GAST: variants seen among roughly 807,000 people sequenced by gnomAD.
GAST encodes the protein gastrin.
GAST carries 9 observed loss-of-function variants against 12.5 expected under a neutral mutation model. That is an observed-to-expected ratio of 0.72 (90% CI 0.43 to 1.25). The LOEUF (loss-of-function observed/expected upper bound fraction) is 1.25. GAST is among the 50% of genes most tolerant of loss of function. GAST has a pLI of 0.00. For missense variants in GAST, 121 were observed against 127.7 expected, an observed-to-expected ratio of 0.95 and a Z score of 0.25; for synonymous variants, 52 against 51.1, an observed-to-expected ratio of 1.02 and a Z score of -0.08.
At chr17:41,714,566 G>C (rs940084717) in intron 1 of GAST, among the ~76,000 whole-genome samples, 1 of 152,100 alleles carries the variant, frequency 6.6e-6, no homozygotes, top group Non-Finnish European at 1.5e-5. Context: ...GAGCCCAAGA[G>C]TTCAAGACTA....
At position 41,715,594 on chromosome 17, in the gene GAST, C is replaced by A. The variant is rs1381582236; in HGVS notation, c.158C>A (p.Ala53Asp). Residue 53 changes from alanine (A) to aspartate (D), a missense_variant, in exon 2 of 3, where the codon GCC becomes GAC. Coordinates refer to ENST00000329402, the MANE Select transcript of GAST (RefSeq NM_000805.5). Reference sequence around the variant, plus strand: ...CCCTGGCTGGAGCAGCAGGGCCCAGCCTCTCATCATCGAAGGCAGCTGGGA... The same window carrying A: ...CCCTGGCTGGAGCAGCAGGGCCCAGACTCTCATCATCGAAGGCAGCTGGGA... Reference protein sequence around the residue: ...ELPWLEQQGPASHHRRQLGPQ... With the variant: ...ELPWLEQQGPDSHHRRQLGPQ... The A allele has an allele frequency of 6.2e-7, 1 of 1,613,742 alleles. No individual in the cohort carries two copies. Among genetic ancestry groups the A allele is most frequent in the Admixed American group, 1.7e-5 (1 of 60,020 alleles).
At chr17:41,715,746 T>C in intron 2 of GAST, 32 bp from the exon 3 acceptor site, 1 of 1,595,042 alleles carries the variant, frequency 6.3e-7, no homozygotes, top group Non-Finnish European at 8.5e-7. Flanking sequence ...GTAGGCATCC[T>C]TCCCCCATTC....
At position 41,715,451 on chromosome 17, in the gene GAST, T is replaced by C. The variant is rs781950209; in HGVS notation, c.15T>C (p.Cys5=). 2.5e-6 allele frequency: 4 copies of C among 1,612,886 alleles called. No homozygotes were observed. Among genetic ancestry groups the C allele is most frequent in the Non-Finnish European group, 3.4e-6 (4 of 1,179,250 alleles). MQRL[C]VYVLIFALAL... ...TTGCAGACGAGATGCAGCGACTGTG[T>C]GTGTATGTGCTGATCTTTGCACTGG... The change falls in exon 2 of 3, where the codon TGT becomes TGC. Residue 5 remains cysteine (C), a synonymous_variant. Transcript: ENST00000329402.
chr17:41,715,612 A>G lies in GAST; in HGVS notation c.176A>G (p.Gln59Arg). ...GGCCCAGCCTCTCATCATCGAAGGC[A>G]GCTGGGACCCCAGGGTCCCCCACAC... ...QQGPASHHRR[Q>R]LGPQGPPHLV... The change falls in exon 2 of 3, where the codon CAG becomes CGG. Residue 59 changes from glutamine (Q) to arginine (R), a missense_variant. By Grantham distance (43) the Gln-to-Arg change is conservative (BLOSUM62 1). Coordinates refer to ENST00000329402, the MANE Select transcript of GAST (RefSeq NM_000805.5). 1 of 1,613,748 alleles carries G rather than the reference A, an allele frequency of 6.2e-7. No homozygotes were observed. Among genetic ancestry groups the G allele is most frequent in the Non-Finnish European group, 8.5e-7 (1 of 1,179,938 alleles).
chr17:41,715,825 T>C lies in GAST; in HGVS notation c.259T>C (p.Tyr87His). ...GPWLEEEEEA[Y>H]GWMDFGRRSA... is the part of the protein sequence containing the mutation. ...ATGGCTGGAGGAAGAAGAAGAAGCC[T>C]ATGGATGGATGGACTTCGGCCGCCG... The change falls in exon 3 of 3, where the codon TAT becomes CAT. Residue 87 changes from tyrosine (Y) to histidine (H), a missense_variant. By Grantham distance (83) the Tyr-to-His change is moderately conservative (BLOSUM62 2). Transcript: ENST00000329402. 1.9e-6 allele frequency: 3 copies of C among 1,612,452 alleles called. No homozygotes were observed. The highest frequency in any genetic ancestry group is 2.5e-6 in the Non-Finnish European group (3 of 1,179,520).
In GAST at chr17:41,715,453, T is replaced by C. The variant is rs1555585718; in HGVS notation, c.17T>C (p.Val6Ala). The part of the protein sequence containing the change: MQRLC[V>A]YVLIFALALA... ...GCAGACGAGATGCAGCGACTGTGTG[T>C]GTATGTGCTGATCTTTGCACTGGCT... is the stretch of plus-strand genomic sequence containing the variant. The change falls in exon 2 of 3, where the codon GTG becomes GCG. Residue 6 changes from valine (V) to alanine (A), a missense_variant. Physicochemically the swap from Val to Ala is moderately conservative, Grantham distance 64 (BLOSUM62 0). Transcript: ENST00000329402. The C allele has an allele frequency of 1.1e-5, 17 of 1,613,746 alleles. No homozygotes were observed. The highest frequency in any genetic ancestry group is 9.3e-6 in the Non-Finnish European group (11 of 1,179,834).
chr17:41,714,523 G>A (rs1489449089), intron 1 of GAST, among the ~76,000 whole-genome samples: 2 of 152,062 alleles, frequency 1.3e-5, no homozygotes, highest in African/African-American at 4.8e-5. Flanking sequence ...TGTAATCGCA[G>A]CACTTTGGGA....
intron 1 of GAST, 104 bp downstream of exon 1, chr17:41,712,491 T>C (rs1910877252): frequency 6.6e-6 from 1 of 152,340 alleles, no homozygotes; most frequent in Admixed American, 6.5e-5. Flanking sequence ...GGCTCACCCC[T>C]TGGGGTCTCC....
intron 1 of GAST, among the ~76,000 whole-genome samples, chr17:41,714,797 C>T (rs7216342): frequency 0.76 from 115,625 of 151,990 alleles, 45,684 homozygotes; most frequent in Middle Eastern, 0.91. Flanking sequence ...AATTACATTA[C>T]TTAAACAGCT....
intron 1 of GAST, 86 bp from the exon 2 acceptor site, chr17:41,715,346 C>T (rs1382170486): frequency 2.1e-6 from 2 of 962,066 alleles, no homozygotes; most frequent in East Asian, 4.9e-5. Context: ...CAGGTAGAGG[C>T]CTGGAGCCAC....
chr17:41,715,123 A>AC (rs1477996988), intron 1 of GAST, among the ~76,000 whole-genome samples: 88 of 152,164 alleles, frequency 5.8e-4, no homozygotes, highest in African/African-American at 2.1e-3. Flanking sequence ...ACATGGTGAA[A>AC]CCCCATCTCT....
intron 1 of GAST, 119 bp from the exon 2 acceptor site, chr17:41,715,313 A>T: frequency 2.9e-6 from 2 of 691,136 alleles, no homozygotes; most frequent in Non-Finnish European, 4.8e-6. Flanking sequence ...AAAAAAAAAA[A>T]GAAAGAATTG....
Position 41,715,456 on chromosome 17 carries a change from A to G in GAST, c.20A>G (p.Tyr7Cys), listed in dbSNP as rs1555585723. 1 of 1,613,822 alleles carries G rather than the reference A, an allele frequency of 6.2e-7. No individual in the cohort carries two copies. The highest frequency in any genetic ancestry group is 1.7e-5 in the Admixed American group (1 of 60,010). Residue 7 changes from tyrosine (Y) to cysteine (C), a missense_variant, in exon 2 of 3, where the codon TAT becomes TGT. Tyr to Cys is a radical substitution (Grantham distance 194). Coordinates refer to ENST00000329402, the MANE Select transcript of GAST (RefSeq NM_000805.5). MQRLCVYVLIFALALAA... is the reference protein window; with the variant it reads MQRLCVCVLIFALALAA... ...GACGAGATGCAGCGACTGTGTGTGT[A>G]TGTGCTGATCTTTGCACTGGCTCTG... is the stretch of plus-strand genomic sequence containing the variant.
intron 1 of GAST, among the ~76,000 whole-genome samples, chr17:41,714,889 G>A (rs1555585613): frequency 6.6e-6 from 1 of 152,208 alleles, no homozygotes; most frequent in African/African-American, 2.4e-5. Context: ...TTCTCCAATA[G>A]AAGCAGTGGC....
chr17:41,713,502 G>A (rs1041648348), intron 1 of GAST, among the ~76,000 whole-genome samples: 3 of 152,008 alleles, frequency 2.0e-5, no homozygotes, highest in African/African-American at 7.2e-5. Flanking sequence ...ACCAGCCTGG[G>A]CAACATAGTG....
At position 41,715,456 on chromosome 17, in the gene GAST, A is replaced by T; in HGVS notation, c.20A>T (p.Tyr7Phe). 6.2e-7 allele frequency: 1 copy of T among 1,613,822 alleles called. No individual in the cohort carries two copies. MQRLCV[Y>F]VLIFALALAA... ...GACGAGATGCAGCGACTGTGTGTGT[A>T]TGTGCTGATCTTTGCACTGGCTCTG... The change falls in exon 2 of 3, where the codon TAT becomes TTT. Residue 7 changes from tyrosine (Y) to phenylalanine (F), a missense_variant. Transcript: ENST00000329402.
intron 1 of GAST, among the ~76,000 whole-genome samples, chr17:41,712,686 TCAGA>T (rs1597726090): frequency 6.6e-6 from 1 of 152,120 alleles, no homozygotes; most frequent in East Asian, 1.9e-4. Flanking sequence ...CTCCTTTCTC[TCAGA>T]CAAGAAAACT....
Position 41,715,916 on chromosome 17 carries a change from AC to A in GAST, c.*45del. 4 of 1,425,524 alleles carry A rather than the reference AC, an allele frequency of 2.8e-6. No homozygotes were observed. The highest frequency in any genetic ancestry group is 3.8e-6 in the Non-Finnish European group (4 of 1,041,198). The allele number at this position is 1,425,524 out of a possible 1,614,324, so 88.3% of individuals were successfully genotyped here. The stretch of plus-strand genomic sequence containing the variant: ...TCAGAGCCTAGCCACCTCCCACCCC[AC>A]TCCAGCCCTGTCCCCTGAAAAACTG... On this transcript the variant is annotated 3_prime_UTR_variant, in exon 3 of 3. Coordinates refer to ENST00000329402, the MANE Select transcript of GAST (RefSeq NM_000805.5).
intron 2 of GAST, 41 bp downstream of exon 2, chr17:41,715,688 G>A (rs530585753): frequency 6.2e-7 from 1 of 1,605,682 alleles, no homozygotes; most frequent in African/African-American, 1.3e-5. Context: ...ACTTGGCCAG[G>A]TTTGGCCAAG....
Sources: allele counts gnomAD v4.1 joint callset (sites outside exome capture counted in the v4.1 genomes callset), GRCh38; gene constraint gnomAD v4.1.1; transcripts MANE v1.5; gene names NCBI Gene and HGNC (gene_info 2026-07-23, HGNC 2026-07-21).